Variants in ATP13A3 observed in about 807,000 individuals in gnomAD.
ATP13A3 encodes the protein polyamine-transporting ATPase 13A3.
In ATP13A3, 59 loss-of-function variants were observed where a neutral mutation model predicts 158.1. That is an observed-to-expected ratio of 0.37 (90% CI 0.30 to 0.46). The LOEUF (loss-of-function observed/expected upper bound fraction) is 0.46. Among genes scored for constraint, ATP13A3 ranks in the 20% least tolerant of loss-of-function variants. The pLI, the probability that ATP13A3 is intolerant of heterozygous loss-of-function variation, is 1.00. For synonymous variants in ATP13A3, 491 were observed against 504.3 expected (o/e 0.97, Z 0.35); for missense variants, 1,166 against 1,525.2 (o/e 0.76, Z 3.92).
chr3:194,490,889 T>G (rs1247988791), upstream of ATP13A3, among the ~76,000 whole-genome samples: 1 of 152,244 alleles, frequency 6.6e-6, no homozygotes, highest in East Asian at 1.9e-4. This position sits in a 1 kb window ranked among gnomAD's most constrained non-coding sequence, Gnocchi z 4.4. Context: ...CTCACGCCTT[T>G]AATCCCAGCA....
At chr3:194,428,467 G>C (rs1014035906) in intron 28 of ATP13A3, among the ~76,000 whole-genome samples, 9 of 152,074 alleles carry the variant, frequency 5.9e-5, no homozygotes, top group South Asian at 2.1e-4. Flanking sequence ...AAAGGACATT[G>C]TTGACACAAA....
chr3:194,490,345 A>C (rs1428567284), upstream of ATP13A3, among the ~76,000 whole-genome samples: 1 of 152,200 alleles, frequency 6.6e-6, no homozygotes, highest in Admixed American at 6.5e-5. This position sits in a 1 kb window ranked among gnomAD's most constrained non-coding sequence, Gnocchi z 4.4. Flanking sequence ...GGCCTCCCCA[A>C]AATATTACTG....
chr3:194,489,132 C>T (rs758379395), upstream of ATP13A3, among the ~76,000 whole-genome samples: 5 of 152,238 alleles, frequency 3.3e-5, no homozygotes, highest in Non-Finnish European at 7.3e-5. The surrounding 1 kb of genome is among the most constrained non-coding windows in gnomAD (Gnocchi z 4.1). Flanking sequence ...ATCTATTTCA[C>T]CTCCTTAATA....
chr3:194,443,100 A>G (rs1466243433), intron 15 of ATP13A3, among the ~76,000 whole-genome samples: 1 of 152,210 alleles, frequency 6.6e-6, no homozygotes, highest in Non-Finnish European at 1.5e-5. Flanking sequence ...GAAGATGGCA[A>G]TTTACACAAG....
At chr3:194,455,803 G>T (rs554511060) in intron 8 of ATP13A3, 90 bp downstream of exon 8, 1 of 876,910 alleles carries the variant, frequency 1.1e-6, no homozygotes, top group East Asian at 2.9e-5. Context: ...TTAGGAAAAA[G>T]AAAACCAAGA....
At chr3:194,422,966 A>T (rs1716498726) in intron 30 of ATP13A3, among the ~76,000 whole-genome samples, 1 of 150,838 alleles carries the variant, frequency 6.6e-6, no homozygotes, top group Non-Finnish European at 1.5e-5. Context: ...AAAAAGATAC[A>T]TAGGCCCTGA....
At chr3:194,411,354 G>T (rs956063122) in intron 33 of ATP13A3, among the ~76,000 whole-genome samples, 1 of 152,160 alleles carries the variant, frequency 6.6e-6, no homozygotes, top group African/African-American at 2.4e-5. Flanking sequence ...TATCTGTAAA[G>T]CACATCACCC....
chr3:194,446,461 C>T, intron 14 of ATP13A3, among the ~76,000 whole-genome samples: 1 of 152,200 alleles, frequency 6.6e-6, no homozygotes, highest in East Asian at 1.9e-4. Context: ...CTGCCTCGTT[C>T]CGCCAGTTGC....
intron 13 of ATP13A3, 39 bp downstream of exon 13, chr3:194,447,813 A>AT: frequency 6.6e-7 from 1 of 1,515,078 alleles, no homozygotes. Flanking sequence ...ATGATAAATA[A>AT]TTGAGGTTCA....
At position 194,486,650 on chromosome 3, in the gene ATP13A3, C is replaced by G. The variant is rs541332770; in HGVS notation, c.-173G>C. 1 of 148,814 alleles carries G rather than the reference C, an allele frequency of 6.7e-6. No individual in the cohort carries two copies. Among genetic ancestry groups the G allele is most frequent in the South Asian group, 1.8e-4 (1 of 5,646 alleles). 9.2% of individuals were successfully genotyped at this position (148,814 alleles called of 1,614,324 possible). A position where few individuals can be genotyped will look rare whatever the true frequency, so the allele number is the denominator to read the frequency against. ...CCAGCCCCAGGGACCGCGGGGGACC[C>G]GGCCGCCGCTGTCGCCGCCGCCGCC... On this transcript the variant is annotated 5_prime_UTR_variant, in exon 1 of 34. Transcript: ENST00000645319.
At chr3:194,437,602 A>G (rs1345486085) in intron 17 of ATP13A3, 29 bp from the exon 18 acceptor site, 9 of 1,578,310 alleles carry the variant, frequency 5.7e-6, no homozygotes, top group Non-Finnish European at 6.9e-6. Flanking sequence ...AAGAAAAAAT[A>G]GTACAGATTA....
rs1363491806 is a variant in ATP13A3 at position 194,404,527 on chromosome 3, T to C, written c.*1392A>G. 6.2e-6 allele frequency: 1 copy of C among 161,064 alleles called. No individual in the cohort carries two copies. The highest frequency in any genetic ancestry group is 2.4e-5 in the African/African-American group (1 of 41,484). The allele number at this position is 161,064 out of a possible 1,614,324, so 10.0% of individuals were successfully genotyped here. On this transcript the variant is annotated 3_prime_UTR_variant, in exon 34 of 34. Transcript: ENST00000645319. ...AACAGAGAACAATGTCACACTGTTT[T>C]CATAGTTTAGCGTCCATTTTATAGC...
At chr3:194,478,958 C>G (rs1720638570) in intron 2 of ATP13A3, among the ~76,000 whole-genome samples, 1 of 152,150 alleles carries the variant, frequency 6.6e-6, no homozygotes, top group African/African-American at 2.4e-5. Flanking sequence ...AACCAAGAGG[C>G]CCTAACCAAG....
At chr3:194,465,853 A>C (rs887203126) in intron 2 of ATP13A3, among the ~76,000 whole-genome samples, 1 of 151,738 alleles carries the variant, frequency 6.6e-6, no homozygotes, top group South Asian at 2.1e-4. Context: ...GTGGTGGTGC[A>C]TGCCTGTAGT....
chr3:194,439,071 G>T, intron 16 of ATP13A3, 99 bp from the exon 17 acceptor site: 1 of 680,110 alleles, frequency 1.5e-6, no homozygotes, highest in Non-Finnish European at 2.4e-6. Context: ...AGAACATTAT[G>T]GCCATTTTCA....
intron 27 of ATP13A3, among the ~76,000 whole-genome samples, chr3:194,429,439 A>G (rs1224378044): frequency 6.6e-6 from 1 of 152,212 alleles, no homozygotes; most frequent in Admixed American, 6.5e-5. Flanking sequence ...ATCGCTGTTT[A>G]TACTTTTTCT....
intron 20 of ATP13A3, 105 bp from the exon 21 acceptor site, chr3:194,434,001 T>C (rs1193601699): frequency 5.0e-6 from 6 of 1,192,642 alleles, no homozygotes; most frequent in Non-Finnish European, 6.9e-6. Context: ...CTATAAGTTA[T>C]AATGCAGTTT....
intron 8 of ATP13A3, among the ~76,000 whole-genome samples, chr3:194,455,607 T>C (rs1163533248): frequency 1.3e-5 from 2 of 152,198 alleles, no homozygotes; most frequent in Non-Finnish European, 1.5e-5. Flanking sequence ...GTTCACCTAA[T>C]ACAACTAATT....
Position 194,437,216 on chromosome 3 carries a change from CT to C in ATP13A3, c.2000-2del, listed in dbSNP as rs1717708476. 1 of 1,613,850 alleles carries C rather than the reference CT, an allele frequency of 6.2e-7. No individual in the cohort carries two copies. Among genetic ancestry groups the C allele is most frequent in the African/African-American group, 1.3e-5 (1 of 74,906 alleles). The stretch of plus-strand genomic sequence containing the variant: ...AAAACGTTTTGAAAATCGACAGGAA[CT>C]TTTTAAAAGAAAGAGTAAATTTCAT... On this transcript the variant is annotated splice_acceptor_variant, in intron 19 of 33. Transcript: ENST00000645319. LOFTEE classifies it high-confidence loss of function.
Sources: gnomAD v4.1 joint callset for allele counts (sites outside exome capture counted in the v4.1 genomes callset) on GRCh38, gnomAD v4.1.1 for gene constraint, Gnocchi (gnomAD v3.1) non-coding constraint, MANE v1.5 for transcripts, NCBI Gene and HGNC (gene_info 2026-07-23, HGNC 2026-07-21) for gene names.